Variants in ROR1 observed in about 807,000 individuals in gnomAD.
The protein encoded by ROR1 is ROR family WNT receptor 1, also known as inactive tyrosine-protein kinase transmembrane receptor ROR1.
A neutral mutation model predicts 78.8 loss-of-function variants in ROR1; 19 were observed. That is an observed-to-expected ratio of 0.24 (90% CI 0.17 to 0.35). ROR1 has a LOEUF of 0.35. ROR1 is among the 10% of genes least tolerant of loss of function. The pLI, the probability that ROR1 is intolerant of heterozygous loss-of-function variation, is 1.00. For missense variants in ROR1, 917 were observed against 1,177.8 expected (o/e 0.78, Z 3.24); for synonymous variants, 386 against 433.6 (o/e 0.89, Z 1.36).
chr1:64,143,456 A>G, intron 7 of ROR1: 1 of 963,572 alleles, frequency 1.0e-6, no homozygotes. Context: ...TCTCATAGAT[A>G]TCATAGATAA....
intron 1 of ROR1, among the ~76,000 whole-genome samples, chr1:63,837,091 T>C (rs1213124593): frequency 3.3e-5 from 5 of 152,196 alleles, no homozygotes; most frequent in African/African-American, 1.2e-4. Flanking sequence ...GTCTGTACTT[T>C]CCACTGAACT....
chr1:64,171,614 A>T (rs1413420471), intron 8 of ROR1, among the ~76,000 whole-genome samples: 1 of 152,194 alleles, frequency 6.6e-6, no homozygotes, highest in Non-Finnish European at 1.5e-5. Context: ...AACATGGGGA[A>T]TTAACTGGCC....
At chr1:64,154,535 A>G (rs1174409238) in intron 7 of ROR1, among the ~76,000 whole-genome samples, 1 of 152,206 alleles carries the variant, frequency 6.6e-6, no homozygotes, top group Non-Finnish European at 1.5e-5. Flanking sequence ...CACTTTATTA[A>G]AAGTACCTCT....
chr1:64,137,435 C>A lies in ROR1; in HGVS notation c.549C>A (p.Gly183=), dbSNP rs1187245918. The A allele has an allele frequency of 6.2e-7, 1 of 1,613,792 alleles. No homozygotes were observed. The highest frequency in any genetic ancestry group is 8.5e-7 in the Non-Finnish European group (1 of 1,179,826). Residue 183 remains glycine (G), a synonymous_variant, in exon 5 of 9, where the codon GGC becomes GGA. Coordinates refer to ENST00000371079, the MANE Select transcript of ROR1 (RefSeq NM_005012.4). ...GGATTGCATGTGCAAGATTTATTGGCAACCGCACCGTCTATATGGAGTCTT... is the reference window on the plus strand; with the variant it reads ...GGATTGCATGTGCAAGATTTATTGGAAACCGCACCGTCTATATGGAGTCTT... ...YRGIACARFI[G]NRTVYMESLH...
chr1:64,003,105 T>C (rs1028543376), intron 1 of ROR1, among the ~76,000 whole-genome samples: 1 of 152,102 alleles, frequency 6.6e-6, no homozygotes, highest in Non-Finnish European at 1.5e-5. Context: ...GTACCTACCT[T>C]ATAGACTGTT....
intron 4 of ROR1, among the ~76,000 whole-genome samples, chr1:64,094,191 A>G (rs1647236945): frequency 6.6e-6 from 1 of 152,140 alleles, no homozygotes; most frequent in African/African-American, 2.4e-5. Flanking sequence ...TCCCTCTCCA[A>G]AGTTTTCTAT....
At chr1:63,887,225 T>TTG (rs1553140618) in intron 1 of ROR1, among the ~76,000 whole-genome samples, 1 of 151,156 alleles carries the variant, frequency 6.6e-6, no homozygotes, top group Non-Finnish European at 1.5e-5. Flanking sequence ...CGTTTTGGGA[T>TTG]GGGGGGGTTT....
chr1:63,878,076 T>C (rs547214400), intron 1 of ROR1, among the ~76,000 whole-genome samples: 6 of 152,168 alleles, frequency 3.9e-5, no homozygotes, highest in Non-Finnish European at 7.3e-5. Context: ...TGCCATCTTT[T>C]TCTCCTTTAC....
chr1:64,066,859 G>A (rs1033909290), intron 4 of ROR1: 14 of 151,610 alleles, frequency 9.2e-5, no homozygotes, highest in African/African-American at 2.9e-4. Flanking sequence ...ATTATTACCC[G>A]CTTTATTCAG....
At chr1:64,108,782 A>G (rs1647948614) in intron 4 of ROR1, among the ~76,000 whole-genome samples, 1 of 152,236 alleles carries the variant, frequency 6.6e-6, no homozygotes, top group Admixed American at 6.5e-5. Flanking sequence ...TCTGGAGATT[A>G]TGTGTAGAGA....
chr1:63,868,425 AG>A (rs1645230405), intron 1 of ROR1, among the ~76,000 whole-genome samples: 1 of 152,216 alleles, frequency 6.6e-6, no homozygotes, highest in Non-Finnish European at 1.5e-5. Context: ...AGGATATGGC[AG>A]GATGCAGAGC....
At chr1:64,104,575 C>T (rs1032545796) in intron 4 of ROR1, among the ~76,000 whole-genome samples, 1 of 151,864 alleles carries the variant, frequency 6.6e-6, no homozygotes, top group Non-Finnish European at 1.5e-5. Flanking sequence ...TGGTGGTTTG[C>T]TGCACCTATT....
Position 63,806,520 on chromosome 1 carries a change from C to CAT in ROR1, c.91+32012_91+32013insAT, listed in dbSNP as rs1557505757. Among the ~76,000 whole-genome samples the CAT allele has an allele frequency of 3.3e-5, 5 of 152,156 alleles. No individual in the cohort carries two copies. In the South Asian group the frequency reaches 8.3e-4, roughly 25 times the overall value. On this transcript the variant is annotated intron_variant, in intron 1 of 8. Coordinates refer to ENST00000371079, the MANE Select transcript of ROR1 (RefSeq NM_005012.4). Reference sequence around the variant, plus strand: ...TTTTAGTAGAGACGGAGTTTCACTGCGTTAGCCAGGATGGTCTCGATCTCC... The same window carrying CAT: ...TTTTAGTAGAGACGGAGTTTCACTGCATGTTAGCCAGGATGGTCTCGATCTCC...
chr1:63,997,042 G>A (rs1416264106), intron 1 of ROR1, among the ~76,000 whole-genome samples: 3 of 128,698 alleles, frequency 2.3e-5, no homozygotes, highest in East Asian at 2.7e-4. Flanking sequence ...TAAATACAAG[G>A]TACTTGTATT....
chr1:64,056,846 C>T (rs1243991660), intron 4 of ROR1, among the ~76,000 whole-genome samples: 2 of 151,896 alleles, frequency 1.3e-5, no homozygotes, highest in African/African-American at 4.8e-5. Context: ...AACTTTTTAC[C>T]CATTTTTTAA....
chr1:64,149,125 A>T lies in ROR1; in HGVS notation c.1174+6475A>T, dbSNP rs11208369. On this transcript the variant is annotated intron_variant, in intron 7 of 8. Transcript: ENST00000371079. Reference sequence around the variant, plus strand: ...CTACTGCTTGTTGAATACTGTGCTAAGATATCTGTGCCGGCATCTAGCCTA... The same window carrying T: ...CTACTGCTTGTTGAATACTGTGCTATGATATCTGTGCCGGCATCTAGCCTA... Among the ~76,000 whole-genome samples the T allele has an allele frequency of 6.9e-3, 1,049 of 152,318 alleles. 21 individuals carry two copies. The highest frequency in any genetic ancestry group is 0.024 in the African/African-American group (1,018 of 41,564).
At chr1:63,823,421 TA>T (rs1644934920) in intron 1 of ROR1, among the ~76,000 whole-genome samples, 1 of 151,496 alleles carries the variant, frequency 6.6e-6, no homozygotes, top group African/African-American at 2.4e-5. Flanking sequence ...GTTTTTTTGA[TA>T]TTGCTGCTAA....
chr1:64,006,874 G>A (rs56337616), intron 1 of ROR1, among the ~76,000 whole-genome samples: 4,490 of 152,276 alleles, frequency 0.029, 253 homozygotes, highest in African/African-American at 0.1. Context: ...CTAGAAGTAT[G>A]CCTTTGCAAG....
At chr1:63,936,312 G>A (rs1202128286) in intron 1 of ROR1, among the ~76,000 whole-genome samples, 1 of 152,170 alleles carries the variant, frequency 6.6e-6, no homozygotes, top group Non-Finnish European at 1.5e-5. Context: ...AGCAAGGGGT[G>A]CTCTAAAGTG....
Sources: allele counts gnomAD v4.1 joint callset (sites outside exome capture counted in the v4.1 genomes callset), GRCh38; gene constraint gnomAD v4.1.1; transcripts MANE v1.5; gene names NCBI Gene and HGNC (gene_info 2026-07-23, HGNC 2026-07-21).